DAB1: variants seen among roughly 807,000 people sequenced by gnomAD.
The protein encoded by DAB1 is DAB adaptor protein 1, also known as disabled homolog 1.
A neutral mutation model predicts 64.6 loss-of-function variants in DAB1; 15 were observed. That is an observed-to-expected ratio of 0.23 (90% CI 0.16 to 0.36). The LOEUF is 0.36. DAB1 is among the 10% of genes least tolerant of loss of function. DAB1 has a pLI of 1.00. For synonymous variants in DAB1, 235 were observed against 251.9 expected, an observed-to-expected ratio of 0.93 and a Z score of 0.64; for missense variants, 596 against 706.7, an observed-to-expected ratio of 0.84 and a Z score of 1.78.
chr1:57,564,148 C>G (rs1645087780), intron 7 of DAB1, among the ~76,000 whole-genome samples: 1 of 152,288 alleles, frequency 6.6e-6, no homozygotes, highest in East Asian at 1.9e-4. Context: ...TGTTCTGCAG[C>G]ATCCACTGCT....
chr1:57,365,353 T>A (rs1679908718), intron 1 of DAB1, among the ~76,000 whole-genome samples: 1 of 142,960 alleles, frequency 7.0e-6, no homozygotes. Flanking sequence ...AAATATATAT[T>A]TATATATTAT....
intron 3 of DAB1, among the ~76,000 whole-genome samples, chr1:58,463,838 TAG>T (rs1257402556): frequency 6.6e-6 from 1 of 152,234 alleles, no homozygotes; most frequent in Non-Finnish European, 1.5e-5. Flanking sequence ...TGTGTTTCAG[TAG>T]AGTTTGAGAA....
chr1:57,103,337 C>A (rs1654852742), intron 4 of DAB1, among the ~76,000 whole-genome samples: 1 of 152,172 alleles, frequency 6.6e-6, no homozygotes, highest in African/African-American at 2.4e-5. Flanking sequence ...GTCAGTGCAG[C>A]AGCAGCAGAC....
chr1:57,799,727 T>C (rs965196448), intron 6 of DAB1, among the ~76,000 whole-genome samples: 4 of 152,192 alleles, frequency 2.6e-5, no homozygotes, highest in Non-Finnish European at 5.9e-5. Flanking sequence ...GTTTTTACAT[T>C]TTTGAGTGGT....
intron 1 of DAB1, among the ~76,000 whole-genome samples, chr1:57,314,340 G>A (rs1675000920): frequency 6.6e-6 from 1 of 152,196 alleles, no homozygotes; most frequent in Non-Finnish European, 1.5e-5. Context: ...AAAAATCAAT[G>A]TCCCAGGCTC....
At chr1:57,328,257 C>A (rs926999316) in intron 1 of DAB1, among the ~76,000 whole-genome samples, 5 of 152,168 alleles carry the variant, frequency 3.3e-5, no homozygotes, top group South Asian at 4.1e-4. Flanking sequence ...GAATGGCTAG[C>A]GGCAGATCTT....
chr1:57,248,021 C>G (rs1007239161), intron 2 of DAB1, among the ~76,000 whole-genome samples: 1 of 152,176 alleles, frequency 6.6e-6, no homozygotes, highest in East Asian at 1.9e-4. Context: ...CACTTGGTAT[C>G]TAAGGGGGAT....
intron 6 of DAB1, among the ~76,000 whole-genome samples, chr1:57,720,386 T>C (rs543345306): frequency 6.6e-6 from 1 of 152,356 alleles, no homozygotes; most frequent in Non-Finnish European, 1.5e-5. Context: ...ATAGAGTTTA[T>C]GTCTTATTGC....
intron 3 of DAB1, among the ~76,000 whole-genome samples, chr1:58,477,501 T>A (rs1316244369): frequency 6.6e-6 from 1 of 152,088 alleles, no homozygotes; most frequent in African/African-American, 2.4e-5. Flanking sequence ...CTCATACCCA[T>A]CATCAGCTTG....
At chr1:57,685,862 T>C (rs1437557588) in intron 6 of DAB1, among the ~76,000 whole-genome samples, 1 of 152,182 alleles carries the variant, frequency 6.6e-6, no homozygotes, top group African/African-American at 2.4e-5. Context: ...TTGAAATTTA[T>C]GAAGATAATG....
chr1:57,442,527 A>C (rs900520409), intron 7 of DAB1, among the ~76,000 whole-genome samples: 7 of 152,056 alleles, frequency 4.6e-5, no homozygotes, highest in Non-Finnish European at 7.4e-5. Flanking sequence ...TTTGAGTGAG[A>C]ATTTTTTTTT....
chr1:58,170,861 CAT>C (rs1656130275), intron 4 of DAB1, among the ~76,000 whole-genome samples: 1 of 152,174 alleles, frequency 6.6e-6, no homozygotes, highest in African/African-American at 2.4e-5. Flanking sequence ...AGTGCCAGCT[CAT>C]GTCATCACCC....
chr1:57,453,192 G>C (rs1686455473), intron 7 of DAB1, among the ~76,000 whole-genome samples: 1 of 152,134 alleles, frequency 6.6e-6, no homozygotes, highest in Admixed American at 6.5e-5. Context: ...ATTTTACAGA[G>C]TGTATTTTCT....
intron 1 of DAB1, among the ~76,000 whole-genome samples, chr1:57,858,300 A>T (rs540122737): frequency 3.8e-4 from 58 of 152,308 alleles, no homozygotes; most frequent in African/African-American, 1.3e-3. Context: ...AGCATGCCCT[A>T]ACTTTCTTGG....
At chr1:57,247,019 T>C (rs1286265916) in intron 2 of DAB1, among the ~76,000 whole-genome samples, 2 of 152,200 alleles carry the variant, frequency 1.3e-5, no homozygotes, top group African/African-American at 4.8e-5. Context: ...GAAGGACTTG[T>C]CTTTTCTCAG....
intron 5 of DAB1, among the ~76,000 whole-genome samples, chr1:58,004,931 C>G (rs1195125218): frequency 6.6e-6 from 1 of 152,116 alleles, no homozygotes; most frequent in Non-Finnish European, 1.5e-5. Flanking sequence ...AATACAGTTA[C>G]ACTTCTTCAC....
Position 58,002,761 on chromosome 1 carries a change from A to G in DAB1, n.388-118599T>C, listed in dbSNP as rs540539671. 2.0e-5 allele frequency among the ~76,000 whole-genome samples: 3 copies of G among 152,334 alleles called. No individual in the cohort carries two copies. The South Asian group carries it at 6.2e-4, about 32-fold the overall frequency. On this transcript the variant is annotated intron_variant and non_coding_transcript_variant, in intron 5 of 20. Transcript: ENST00000485760. Reference sequence around the variant, plus strand: ...ACTTGATAAAGCCATTTTAGAGAGCATATGTCATAAATAAACAAGCAAATA... The same window carrying G: ...ACTTGATAAAGCCATTTTAGAGAGCGTATGTCATAAATAAACAAGCAAATA...
intron 2 of DAB1, among the ~76,000 whole-genome samples, chr1:57,245,553 T>A (rs1274288994): frequency 6.6e-6 from 1 of 152,192 alleles, no homozygotes; most frequent in Admixed American, 6.5e-5. Flanking sequence ...GCCCTTGTGA[T>A]AGTTTGCTGA....
intron 6 of DAB1, among the ~76,000 whole-genome samples, chr1:57,817,567 G>A (rs562993732): frequency 3.9e-5 from 6 of 152,320 alleles, no homozygotes; most frequent in African/African-American, 1.4e-4. Context: ...CACACTTCTT[G>A]GCAGCCAAGG....
Sources: allele counts gnomAD v4.1 joint callset (sites outside exome capture counted in the v4.1 genomes callset), GRCh38; gene constraint gnomAD v4.1.1; transcripts MANE v1.5; gene names NCBI Gene and HGNC (gene_info 2026-07-23, HGNC 2026-07-21).